CWC27: variants seen among roughly 807,000 people sequenced by gnomAD.
The protein encoded by CWC27 is CWC27 spliceosome associated cyclophilin.
Under a neutral mutation model 63.6 loss-of-function variants are expected in CWC27, and 47 were observed. The observed-to-expected ratio is 0.74, with a 90% CI of 0.58 to 0.94. CWC27 has a LOEUF of 0.94. Ranked by LOEUF, CWC27 falls within the 40% of genes least tolerant of loss-of-function variation. The pLI is 0.00. For missense variants in CWC27, 495 were observed against 554.3 expected (o/e 0.89, Z 1.07); for synonymous variants, 175 against 179.8 (o/e 0.97, Z 0.22).
chr5:64,805,213 A>G (rs568244796), intron 10 of CWC27, among the ~76,000 whole-genome samples: 15 of 151,902 alleles, frequency 9.9e-5, no homozygotes, highest in African/African-American at 3.4e-4. Flanking sequence ...TCTTTATGTA[A>G]TCAAATAAAA....
intron 11 of CWC27, among the ~76,000 whole-genome samples, chr5:64,895,779 AAT>A (rs1747358906): frequency 6.6e-6 from 1 of 152,206 alleles, no homozygotes; most frequent in Non-Finnish European, 1.5e-5. Flanking sequence ...TGAAAAATAT[AAT>A]AGTTAACATT....
rs574133535 is a variant in CWC27 at position 64,904,821 on chromosome 5, T to C, written c.1042+19275T>C. On this transcript the variant is annotated intron_variant, in intron 11 of 13. Coordinates refer to ENST00000381070, the MANE Select transcript of CWC27 (RefSeq NM_005869.4). The stretch of plus-strand genomic sequence containing the variant: ...TTGGAATAGATGACTTCCTAAGATA[T>C]CTTTCAGCTCATAGGAATTTAATTG... Among the ~76,000 whole-genome samples the C allele has an allele frequency of 3.3e-5, 5 of 152,284 alleles. No individual in the cohort carries two copies. In the East Asian group the frequency reaches 5.8e-4, roughly 18 times the overall value.
intron 10 of CWC27, among the ~76,000 whole-genome samples, chr5:64,862,396 AC>A (rs1386106346): frequency 6.6e-6 from 1 of 152,118 alleles, no homozygotes; most frequent in Non-Finnish European, 1.5e-5. Context: ...AGAAGAAAAC[AC>A]TCATATACTT....
At chr5:64,913,934 C>A (rs910129827) in intron 11 of CWC27, among the ~76,000 whole-genome samples, 2 of 151,972 alleles carry the variant, frequency 1.3e-5, no homozygotes, top group African/African-American at 4.8e-5. Context: ...TTTTATCTAT[C>A]TAATATCAAG....
In CWC27 at chr5:64,803,022, G is replaced by T. The variant is rs896765366; in HGVS notation, c.781-1207G>T. Among the ~76,000 whole-genome samples, 3 of 152,242 alleles carry T rather than the reference G, an allele frequency of 2.0e-5. No individual in the cohort carries two copies. In the South Asian group the frequency reaches 6.2e-4, roughly 32 times the overall value. On this transcript the variant is annotated intron_variant, in intron 9 of 13. Coordinates refer to ENST00000381070, the MANE Select transcript of CWC27 (RefSeq NM_005869.4). ...GCATGGAAGGCCTAGGTTGGTGGTT[G>T]TCACCTTTTAGTGCTTAAGAATTAC...
At chr5:64,865,209 G>A (rs559098376) in intron 10 of CWC27, among the ~76,000 whole-genome samples, 2 of 151,822 alleles carry the variant, frequency 1.3e-5, no homozygotes, top group African/African-American at 4.8e-5. Context: ...TTTACAGTGA[G>A]ACAGGATGTG....
intron 10 of CWC27, among the ~76,000 whole-genome samples, chr5:64,849,060 G>T (rs1395280476): frequency 6.6e-6 from 1 of 152,122 alleles, no homozygotes; most frequent in East Asian, 1.9e-4. Flanking sequence ...AATGTTTGCT[G>T]ACAACACAAT....
At chr5:64,865,380 A>G (rs1348709090) in intron 10 of CWC27, among the ~76,000 whole-genome samples, 3 of 152,092 alleles carry the variant, frequency 2.0e-5, no homozygotes, top group Non-Finnish European at 4.4e-5. Flanking sequence ...TTGAAGTTCC[A>G]TAGTAGAAGT....
chr5:64,873,669 C>A (rs1390671900), intron 10 of CWC27, among the ~76,000 whole-genome samples: 1 of 152,068 alleles, frequency 6.6e-6, no homozygotes, highest in Admixed American at 6.6e-5. Context: ...TTTGCAGAAG[C>A]TTTTTAGTTT....
intron 11 of CWC27, among the ~76,000 whole-genome samples, chr5:64,936,419 T>A (rs1748353627): frequency 6.6e-6 from 1 of 152,234 alleles, no homozygotes. Context: ...TTCGCCTATG[T>A]TGAACCAGCC....
chr5:64,986,967 A>G (rs1360434905), intron 13 of CWC27, among the ~76,000 whole-genome samples: 2 of 152,184 alleles, frequency 1.3e-5, no homozygotes, highest in Admixed American at 1.3e-4. Context: ...GGATGAATTG[A>G]TGACTTTCAA....
intron 10 of CWC27, among the ~76,000 whole-genome samples, chr5:64,850,821 C>T (rs1009452148): frequency 6.6e-6 from 1 of 152,044 alleles, no homozygotes; most frequent in African/African-American, 2.4e-5. Context: ...TGTTCAACAT[C>T]ACTAATGATT....
chr5:64,883,674 T>C (rs949710271), intron 10 of CWC27, among the ~76,000 whole-genome samples: 1 of 152,256 alleles, frequency 6.6e-6, no homozygotes, highest in South Asian at 2.1e-4. Context: ...TTGGTTGATA[T>C]AGAAGCAGTT....
At chr5:64,801,485 T>C (rs1340121196) in intron 9 of CWC27, among the ~76,000 whole-genome samples, 153 bp downstream of exon 9, 1 of 152,066 alleles carries the variant, frequency 6.6e-6, no homozygotes, top group African/African-American at 2.4e-5. Context: ...ACAGAAATTA[T>C]TTAGGTGTTA....
At chr5:64,802,485 A>C (rs1327112076) in intron 9 of CWC27, among the ~76,000 whole-genome samples, 1 of 152,200 alleles carries the variant, frequency 6.6e-6, no homozygotes, top group Non-Finnish European at 1.5e-5. Context: ...TCAATTTTGC[A>C]TTTCAGGAAG....
intron 11 of CWC27, among the ~76,000 whole-genome samples, chr5:64,903,056 A>T (rs1230436152): frequency 1.3e-5 from 2 of 152,216 alleles, no homozygotes; most frequent in Non-Finnish European, 2.9e-5. Flanking sequence ...GAGAAATAGG[A>T]ACACTTTTAC....
chr5:64,984,998 T>G (rs937808907), intron 13 of CWC27, among the ~76,000 whole-genome samples: 1 of 152,198 alleles, frequency 6.6e-6, no homozygotes, highest in Admixed American at 6.5e-5. Flanking sequence ...AAGGTTCATT[T>G]TCTTCATATG....
At chr5:64,825,275 C>T (rs1468217968) in intron 10 of CWC27, among the ~76,000 whole-genome samples, 2 of 152,026 alleles carry the variant, frequency 1.3e-5, no homozygotes, top group African/African-American at 4.8e-5. Context: ...ATGTCTCTTC[C>T]CCAACTATTT....
intron 11 of CWC27, among the ~76,000 whole-genome samples, chr5:64,968,353 A>G (rs1026609974): frequency 1.3e-5 from 2 of 152,120 alleles, no homozygotes; most frequent in Non-Finnish European, 1.5e-5. Flanking sequence ...ACATACACTT[A>G]TCACTTGACT....
Sources: gnomAD v4.1 joint callset for allele counts (sites outside exome capture counted in the v4.1 genomes callset) on GRCh38, gnomAD v4.1.1 for gene constraint, MANE v1.5 for transcripts, NCBI Gene and HGNC (gene_info 2026-07-23, HGNC 2026-07-21) for gene names.